The following FAAH2 variants were observed in gnomAD, a reference collection of about 807,000 sequenced individuals.
The protein encoded by FAAH2 is fatty-acid amide hydrolase 2.
In FAAH2, 60 loss-of-function variants were observed where a neutral mutation model predicts 36.9. That is an observed-to-expected ratio of 1.63 (90% CI 1.32 to 2.02). The LOEUF (loss-of-function observed/expected upper bound fraction) is 2.02, where lower values mean the gene tolerates loss of function less well. FAAH2 is among the 30% of genes most tolerant of loss of function. The pLI, the probability that FAAH2 is intolerant of heterozygous loss-of-function variation, is 0.00. For synonymous variants in FAAH2, 214 were observed against 143.8 expected (o/e 1.49, Z -3.49); for missense variants, 689 against 397.5 (o/e 1.73, Z -6.23).
chrX:57,342,569 C>T (rs759261519), intron 5 of FAAH2, among the ~76,000 whole-genome samples: 4 of 111,444 alleles, frequency 3.6e-5, no homozygotes, highest in African/African-American at 6.5e-5. Flanking sequence ...AAGAATTACG[C>T]ACAAAAAGAG....
At chrX:57,238,235 T>G in the FAAH2 span, among the ~76,000 whole-genome samples, 3 of 111,921 alleles carry the variant, frequency 2.7e-5, no homozygotes, top group Non-Finnish European at 3.8e-5. Context: ...AGCAAACTCA[T>G]GAAATCAACC....
intron 7 of FAAH2, chrX:57,394,263 G>C: frequency 2.5e-6 from 2 of 811,582 alleles, no homozygotes; most frequent in Admixed American, 2.2e-5. Context: ...AGAAGGGCTT[G>C]CACCAGCCCG....
chrX:57,131,133 C>T, the FAAH2 span, among the ~76,000 whole-genome samples: 1 of 100,899 alleles, frequency 9.9e-6, no homozygotes, highest in Non-Finnish European at 2.0e-5. Flanking sequence ...GGCCGGACTG[C>T]GGACTGCAGT....
intron 10 of FAAH2, among the ~76,000 whole-genome samples, chrX:57,457,923 T>C (rs2056890078): frequency 8.9e-6 from 1 of 111,834 alleles, no homozygotes; most frequent in Admixed American, 9.5e-5. Flanking sequence ...TTAATGCCAT[T>C]TTTACAAAAT....
chrX:57,242,493 G>A, the FAAH2 span, among the ~76,000 whole-genome samples: 1 of 112,278 alleles, frequency 8.9e-6, no homozygotes. Context: ...GAACAGTTCT[G>A]ATCTGCAGCT....
intron 3 of FAAH2, among the ~76,000 whole-genome samples, chrX:57,318,590 GT>G (rs2052916623): frequency 9.0e-6 from 1 of 111,614 alleles, no homozygotes; most frequent in Non-Finnish European, 1.9e-5. Context: ...TCTACCAGAG[GT>G]ACAAAGAGGA....
rs75880948 is a variant in FAAH2 at position 57,351,229 on chromosome X, T to C, written c.742+9839T>C. ...AAATATATGGAAAGAAAACAACATG[T>C]TTGTGAATGACCATTGGGTCAATAA... On this transcript the variant is annotated intron_variant, in intron 5 of 10. Transcript: ENST00000374900. Among the ~76,000 whole-genome samples, 489 of 111,134 alleles carry C rather than the reference T, an allele frequency of 4.4e-3. 24 individuals carry two copies. The East Asian group carries it at 0.11, about 25-fold the overall frequency.
intron 7 of FAAH2, among the ~76,000 whole-genome samples, chrX:57,427,445 T>C (rs1276686942): frequency 9.1e-6 from 1 of 110,202 alleles, no homozygotes; most frequent in African/African-American, 3.3e-5. Flanking sequence ...CATATGAAAA[T>C]AGAAGAGAAA....
chrX:57,218,048 G>A, the FAAH2 span, among the ~76,000 whole-genome samples: 7 of 111,964 alleles, frequency 6.3e-5, no homozygotes, highest in Non-Finnish European at 1.3e-4. Flanking sequence ...CATTAATCTT[G>A]TATCCAGAAA....
chrX:57,260,558 G>A, the FAAH2 span, among the ~76,000 whole-genome samples: 3 of 111,368 alleles, frequency 2.7e-5, no homozygotes, highest in Non-Finnish European at 5.7e-5. Context: ...TCAATATATT[G>A]GAGTTCATCA....
the FAAH2 span, among the ~76,000 whole-genome samples, chrX:57,185,527 CGTGTGTGCGTGTAT>C: frequency 2.2e-5 from 2 of 90,015 alleles, no homozygotes; most frequent in Non-Finnish European, 4.4e-5. Flanking sequence ...TGTGTGTGTT[CGTGTGTGCGTGTAT>C]GTGTGTGTGC....
intron 5 of FAAH2, among the ~76,000 whole-genome samples, chrX:57,375,558 T>C (rs2054653422): frequency 9.1e-6 from 1 of 110,370 alleles, no homozygotes; most frequent in African/African-American, 3.3e-5. Context: ...CTTTCTCTGG[T>C]TTGGTTGTAA....
chrX:57,271,267 C>A, the FAAH2 span, among the ~76,000 whole-genome samples: 1 of 112,608 alleles, frequency 8.9e-6, no homozygotes, highest in Non-Finnish European at 1.9e-5. Flanking sequence ...GATGCTGTGG[C>A]CAGACTGCCA....
intron 3 of FAAH2, among the ~76,000 whole-genome samples, chrX:57,318,743 C>T (rs954154667): frequency 2.6e-4 from 29 of 112,044 alleles, no homozygotes; most frequent in Middle Eastern, 4.6e-3. Flanking sequence ...AGCCAATATC[C>T]TTGATGAACA....
chrX:57,385,395 CTT>C (rs1485563491), intron 7 of FAAH2, among the ~76,000 whole-genome samples: 1 of 110,597 alleles, frequency 9.0e-6, no homozygotes, highest in African/African-American at 3.3e-5. Context: ...GACTCAATAA[CTT>C]ATAAAGAATA....
intron 7 of FAAH2, among the ~76,000 whole-genome samples, chrX:57,401,190 C>A (rs1046322196): frequency 4.5e-5 from 5 of 111,549 alleles, no homozygotes; most frequent in Admixed American, 9.5e-5. Flanking sequence ...GGTTTCTGAA[C>A]GGGCAGCTAA....
chrX:57,379,007 T>C (rs1029113221), intron 6 of FAAH2, among the ~76,000 whole-genome samples: 8 of 111,756 alleles, frequency 7.2e-5, no homozygotes, highest in African/African-American at 2.6e-4. Context: ...AGAGAGGCCT[T>C]ATTTTTGGGA....
chrX:57,213,746 A>C, the FAAH2 span, among the ~76,000 whole-genome samples: 1 of 111,937 alleles, frequency 8.9e-6, no homozygotes, highest in African/African-American at 3.2e-5. Context: ...GTGTGACAAC[A>C]TATAGCCTAT....
rs1021685155 is a variant in FAAH2, at chrX:57,371,416, T to G, written c.743-7235T>G. 4.5e-5 allele frequency among the ~76,000 whole-genome samples: 5 copies of G among 112,141 alleles called. No individual in the cohort carries two copies. The East Asian group carries it at 1.4e-3, about 32-fold the overall frequency. ...CCAGCTCCATCCATGCTTCTGCAAA[T>G]GAATTCATTCTTTTCTATGGGCTGC... is the stretch of plus-strand genomic sequence containing the variant. On this transcript the variant is annotated intron_variant, in intron 5 of 10. Coordinates refer to ENST00000374900, the MANE Select transcript of FAAH2 (RefSeq NM_174912.4).
Sources: gnomAD v4.1 joint callset for allele counts (sites outside exome capture counted in the v4.1 genomes callset) on GRCh38, gnomAD v4.1.1 for gene constraint, MANE v1.5 for transcripts, NCBI Gene and HGNC (gene_info 2026-07-23, HGNC 2026-07-21) for gene names.